PPFIA1: variants seen among roughly 807,000 people sequenced by gnomAD.
PPFIA1 encodes liprin-alpha-1.
PPFIA1 carries 25 observed loss-of-function variants against 149.9 expected under a neutral mutation model. The ratio of observed to expected loss-of-function variants is 0.17; its 90% CI spans 0.12 to 0.23. PPFIA1 has a LOEUF of 0.23. Ranked by LOEUF, PPFIA1 falls within the 10% of genes least tolerant of loss-of-function variation. PPFIA1 has a pLI of 1.00. For synonymous variants in PPFIA1, 549 were observed against 552.8 expected (o/e 0.99, Z 0.10); for missense variants, 1,362 against 1,506.5 (o/e 0.90, Z 1.59).
rs918832459 is a variant in PPFIA1 at position 70,326,742 on chromosome 11, A to G, written c.854A>G (p.Glu285Gly). Residue 285 changes from glutamate (E) to glycine (G), a missense_variant, in exon 7 of 28, where the codon GAG (glutamate) becomes GGG (glycine). Around this residue, in one of 7 missense-constraint regions of PPFIA1, gnomAD observed 733 missense variants for 744.1 expected, o/e 0.99. Transcript: ENST00000253925. The part of the protein sequence containing the change: ...SLSSHVTELE[E>G]DLDTARKDLI... ...TCCAGTCATGTGACAGAACTGGAAG[A>G]GGATCTGGACACGGCTAGAAAAGAT... The G allele has an allele frequency of 1.2e-5, 19 of 1,614,078 alleles. No individual in the cohort carries two copies. The highest frequency in any genetic ancestry group is 1.4e-5 in the Non-Finnish European group (16 of 1,180,034).
chr11:70,320,995 A>AC (rs1260853229), intron 2 of PPFIA1, among the ~76,000 whole-genome samples: 3 of 152,184 alleles, frequency 2.0e-5, no homozygotes, highest in Non-Finnish European at 4.4e-5. Flanking sequence ...CAACCACAGA[A>AC]CACTAGTGCT....
chr11:70,372,632 C>G lies in PPFIA1; in HGVS notation c.3139+58C>G, dbSNP rs1337705570. The G allele has an allele frequency of 3.6e-6, 5 of 1,378,880 alleles. No individual in the cohort carries two copies. In the East Asian group the frequency reaches 9.2e-5, roughly 25 times the overall value. 85.4% of individuals were successfully genotyped at this position (1,378,880 alleles called of 1,614,324 possible). A position where few individuals can be genotyped will look rare whatever the true frequency, so the allele number is the denominator to read the frequency against. On this transcript the variant is annotated intron_variant, in intron 23 of 27. Transcript: ENST00000253925. ...CTCCTACTTGCTGGTGTGTTTGGAG[C>G]CTCAGTGACTTCCTATTTTTCAAAA...
rs2057774489 is a variant in PPFIA1 at position 70,383,232 on chromosome 11, T to A, written c.*242T>A. The A allele has an allele frequency of 3.4e-6, 1 of 292,736 alleles. No individual in the cohort carries two copies. Among genetic ancestry groups the A allele is most frequent in the Non-Finnish European group, 6.4e-6 (1 of 157,452 alleles). 18.1% of individuals were successfully genotyped at this position (292,736 alleles called of 1,614,324 possible). A position where few individuals can be genotyped will look rare whatever the true frequency, so the allele number is the denominator to read the frequency against. On this transcript the variant is annotated 3_prime_UTR_variant, in exon 28 of 28. Coordinates refer to ENST00000253925, the MANE Select transcript of PPFIA1 (RefSeq NM_003626.5). ...AACTTATGACTCTTCATTTATATAG[T>A]TACTTACTTTTTCATGTATATCCAG...
At position 70,325,501 on chromosome 11, in the gene PPFIA1, TGA is replaced by T; in HGVS notation, c.539_540del (p.Glu180AlafsTer7). ...AAACTCAACCCCTTTTATTTTCAGG[TGA>T]GAGAGCGATTACGAGTAGCACTTGA... is the stretch of plus-strand genomic sequence containing the variant. On this transcript the variant is annotated frameshift_variant and splice_region_variant, in exon 5 of 28. Transcript: ENST00000253925. LOFTEE classifies it high-confidence loss of function. 6.3e-7 allele frequency: 1 copy of T among 1,578,676 alleles called. No homozygotes were observed. The highest frequency in any genetic ancestry group is 8.7e-7 in the Non-Finnish European group (1 of 1,148,310).
At chr11:70,309,646 GTTTTCCAAAAAATAA>G (rs1251945333) in intron 2 of PPFIA1, among the ~76,000 whole-genome samples, 1 of 151,268 alleles carries the variant, frequency 6.6e-6, no homozygotes, top group Non-Finnish European at 1.5e-5. Context: ...AAAAAAAAAA[GTTTTCCAAAAAATAA>G]AAAGGAATAA....
intron 15 of PPFIA1, among the ~76,000 whole-genome samples, chr11:70,344,446 T>C (rs747750404): frequency 1.3e-5 from 2 of 152,146 alleles, no homozygotes; most frequent in Admixed American, 1.3e-4. Context: ...CGGGCGCATA[T>C]GGTGGGAAGC....
Position 70,362,505 on chromosome 11 carries a change from C to G in PPFIA1, c.2865+17C>G. 1 of 1,557,534 alleles carries G rather than the reference C, an allele frequency of 6.4e-7. No homozygotes were observed. The highest frequency in any genetic ancestry group is 8.7e-7 in the Non-Finnish European group (1 of 1,149,938). ...TCTAGAACGGTACGTTCAGAGACAACCCCTGCATTCTTTGGAAACAGGGAA... is the reference window on the plus strand; with the variant it reads ...TCTAGAACGGTACGTTCAGAGACAAGCCCTGCATTCTTTGGAAACAGGGAA... On this transcript the variant is annotated intron_variant, in intron 21 of 27. Coordinates refer to ENST00000253925, the MANE Select transcript of PPFIA1 (RefSeq NM_003626.5).
At chr11:70,346,093 G>A (rs979013402) in intron 15 of PPFIA1, 6 of 341,840 alleles carry the variant, frequency 1.8e-5, no homozygotes, top group Admixed American at 1.4e-4. Flanking sequence ...CTTACAAAAC[G>A]GGCCAACTGT....
At chr11:70,377,917 T>TCC (rs2135452981) in intron 25 of PPFIA1, 113 bp from the exon 26 acceptor site, 1 of 853,126 alleles carries the variant, frequency 1.2e-6, no homozygotes, top group East Asian at 2.6e-5. Context: ...ATTAAATACA[T>TCC]GTGGACAAGA....
intron 2 of PPFIA1, among the ~76,000 whole-genome samples, chr11:70,276,264 G>A (rs1351171601): frequency 1.3e-5 from 2 of 150,238 alleles, no homozygotes; most frequent in African/African-American, 4.9e-5. Context: ...ACGCCACTGC[G>A]CCTTGCTTTT....
At chr11:70,314,725 G>C (rs2053493756) in intron 2 of PPFIA1, among the ~76,000 whole-genome samples, 1 of 151,996 alleles carries the variant, frequency 6.6e-6, no homozygotes, top group Non-Finnish European at 1.5e-5. Context: ...CTAAATACTA[G>C]GTTTGGGCAT....
chr11:70,305,755 A>G (rs755551216), intron 2 of PPFIA1, among the ~76,000 whole-genome samples: 1 of 152,168 alleles, frequency 6.6e-6, no homozygotes. Context: ...GAAAACTTCT[A>G]TTGGTAGTTT....
In PPFIA1 at chr11:70,383,194, T is replaced by G; in HGVS notation, c.*204T>G. On this transcript the variant is annotated 3_prime_UTR_variant, in exon 28 of 28. Coordinates refer to ENST00000253925, the MANE Select transcript of PPFIA1 (RefSeq NM_003626.5). The stretch of plus-strand genomic sequence containing the variant: ...AAAATATTTTAGAATTTAATGTTTC[T>G]TATATTTATGTAAACTTATGACTCT... 1 of 331,046 alleles carries G rather than the reference T, an allele frequency of 3.0e-6. No homozygotes were observed. The highest frequency in any genetic ancestry group is 2.4e-5 in the South Asian group (1 of 41,808). 20.5% of individuals were successfully genotyped at this position (331,046 alleles called of 1,614,324 possible).
intron 1 of PPFIA1, among the ~76,000 whole-genome samples, chr11:70,271,653 G>A (rs1466870506): frequency 6.6e-6 from 1 of 152,138 alleles, no homozygotes; most frequent in Non-Finnish European, 1.5e-5. Context: ...AATTCAGGGA[G>A]CCGTCAGTTC....
chr11:70,340,273 C>A (rs2055244820), intron 14 of PPFIA1, among the ~76,000 whole-genome samples: 1 of 152,066 alleles, frequency 6.6e-6, no homozygotes, highest in South Asian at 2.1e-4. Flanking sequence ...AGGACCCTGT[C>A]TCTACAAATA....
rs768081341 is a variant in PPFIA1, at chr11:70,356,228, T to C, written c.2556T>C (p.Ala852=). The C allele has an allele frequency of 6.2e-7, 1 of 1,613,762 alleles. No individual in the cohort carries two copies. Among genetic ancestry groups the C allele is most frequent in the South Asian group, 1.1e-5 (1 of 90,938 alleles). ...GACTTAGCAAATTGGGGGGACAGGC[T>C]GAAAAAAATCGTAAACTTCAAAAAA... ...ALGLSKLGGQ[A]EKNRKLQKKH... Residue 852 remains alanine, a synonymous_variant, in exon 19 of 28, where the codon GCT becomes GCC. Coordinates refer to ENST00000253925, the MANE Select transcript of PPFIA1 (RefSeq NM_003626.5).
intron 21 of PPFIA1, chr11:70,371,337 T>C (rs7394948): frequency 1.5e-4 from 6 of 39,790 alleles, no homozygotes; most frequent in Non-Finnish European, 3.3e-4. Context: ...TATTCTGTTG[T>C]TGGGTGGCAT....
Position 70,272,413 on chromosome 11 carries a change from C to A in PPFIA1, c.241C>A (p.Gln81Lys). The change falls in exon 2 of 28, where the codon CAG becomes AAG. Residue 81 changes from glutamine (Q) to lysine (K), a missense_variant. Gln to Lys is a moderately conservative substitution (Grantham distance 53). Around this residue, in one of 7 missense-constraint regions of PPFIA1, gnomAD observed 100 missense variants for 106.2 expected, o/e 0.94. Transcript: ENST00000253925. ...VGHERDSLQRQLNTALPQEFA... is the reference protein window; with the variant it reads ...VGHERDSLQRKLNTALPQEFA... ...TCATGAAAGAGATTCCTTGCAGAGA[C>A]AGCTCAACACGGCACTTCCACAGGT... The A allele has an allele frequency of 1.9e-6, 3 of 1,613,534 alleles. No individual in the cohort carries two copies. Among genetic ancestry groups the A allele is most frequent in the Non-Finnish European group, 2.5e-6 (3 of 1,179,552 alleles).
chr11:70,282,245 G>A (rs532513854), intron 2 of PPFIA1: 5 of 152,444 alleles, frequency 3.3e-5, no homozygotes, highest in African/African-American at 1.2e-4. Context: ...CCCATGCCCT[G>A]TGTCAGACCG....
Sources: gnomAD v4.1 joint callset for allele counts (sites outside exome capture counted in the v4.1 genomes callset) on GRCh38, gnomAD v4.1.1 for gene constraint, gnomAD v4.1.1 regional missense constraint, MANE v1.5 for transcripts, NCBI Gene and HGNC (gene_info 2026-07-23, HGNC 2026-07-21) for gene names.